XIRP2: variants seen among roughly 807,000 people sequenced by gnomAD.
The protein encoded by XIRP2 is xin actin binding repeat containing 2.
A neutral mutation model predicts 277.0 loss-of-function variants in XIRP2; 236 were observed. The ratio of observed to expected loss-of-function variants is 0.85; its 90% CI spans 0.77 to 0.95. The LOEUF is 0.95. Ranked by LOEUF, XIRP2 falls within the 40% of genes least tolerant of loss-of-function variation. The pLI is 0.00. For missense variants in XIRP2, 4,640 were observed against 4,157.5 expected (o/e 1.12, Z -3.19); for synonymous variants, 1,490 against 1,416.5 (o/e 1.05, Z -1.17).
intron 2 of XIRP2, among the ~76,000 whole-genome samples, chr2:167,016,311 C>A (rs1048844532): frequency 4.0e-5 from 6 of 151,884 alleles, no homozygotes; most frequent in African/African-American, 1.4e-4. Flanking sequence ...AAAGACTATT[C>A]TCTGTCCTAA....
intron 3 of XIRP2, among the ~76,000 whole-genome samples, chr2:167,174,535 A>G (rs1289666984): frequency 2.6e-5 from 4 of 151,858 alleles, no homozygotes; most frequent in African/African-American, 4.8e-5. Context: ...CTAGCAATCT[A>G]TCTATTTTGT....
chr2:167,091,631 C>CT (rs1010334366), intron 2 of XIRP2, among the ~76,000 whole-genome samples: 49 of 152,172 alleles, frequency 3.2e-4, no homozygotes, highest in African/African-American at 9.2e-4. Flanking sequence ...TCTGAAAACT[C>CT]TAAGTTTTTT....
chr2:167,004,005 G>A (rs1292010390), intron 2 of XIRP2, among the ~76,000 whole-genome samples: 1 of 151,802 alleles, frequency 6.6e-6, no homozygotes, highest in Non-Finnish European at 1.5e-5. Flanking sequence ...TCTGGTTAAT[G>A]CAGGAAATAA....
intron 2 of XIRP2, among the ~76,000 whole-genome samples, chr2:166,925,787 A>G (rs1490984723): frequency 2.0e-5 from 3 of 151,448 alleles, no homozygotes; most frequent in Admixed American, 1.3e-4. Context: ...TTTTTGGCAG[A>G]GTGTGGTGGC....
chr2:166,949,669 A>G (rs1180386552), intron 2 of XIRP2, among the ~76,000 whole-genome samples: 1 of 152,072 alleles, frequency 6.6e-6, no homozygotes, highest in African/African-American at 2.4e-5. Context: ...CAGACAATCT[A>G]TCACCAACTG....
intron 2 of XIRP2, among the ~76,000 whole-genome samples, chr2:167,085,918 A>ACTCC (rs1243245917): frequency 1.2e-4 from 18 of 152,128 alleles, no homozygotes; most frequent in Non-Finnish European, 2.4e-4. Flanking sequence ...TGTGTCTTTT[A>ACTCC]ATTGGAACAT....
chr2:167,175,630 G>C (rs924932217), intron 3 of XIRP2, among the ~76,000 whole-genome samples: 1 of 152,166 alleles, frequency 6.6e-6, no homozygotes, highest in Non-Finnish European at 1.5e-5. Context: ...AACCACTTGA[G>C]GAGGCAGTCA....
chr2:166,905,542 T>A (rs1481742267), intron 2 of XIRP2, among the ~76,000 whole-genome samples: 2 of 151,932 alleles, frequency 1.3e-5, no homozygotes, highest in African/African-American at 4.8e-5. Context: ...AAACCACCAT[T>A]TGCCTTGTAA....
At chr2:167,228,513 C>T (rs1456514661) in intron 5 of XIRP2, among the ~76,000 whole-genome samples, 1 of 152,082 alleles carries the variant, frequency 6.6e-6, no homozygotes, top group Non-Finnish European at 1.5e-5. Context: ...GGAAATGGTG[C>T]AGTCTGTACA....
At chr2:167,214,289 GAGGGAGGGAGGA>G (rs1394115369) in intron 4 of XIRP2, among the ~76,000 whole-genome samples, 3 of 95,834 alleles carry the variant, frequency 3.1e-5, no homozygotes, top group South Asian at 4.6e-4. Context: ...GGGAGGGAGG[GAGGGAGGGAGGA>G]AGGAAGGAAG....
chr2:166,973,190 A>G (rs1240681360), intron 2 of XIRP2, among the ~76,000 whole-genome samples: 1 of 152,224 alleles, frequency 6.6e-6, no homozygotes, highest in African/African-American at 2.4e-5. Context: ...AATGGATTTA[A>G]TGAAAAATAT....
intron 2 of XIRP2, among the ~76,000 whole-genome samples, chr2:167,010,044 T>G (rs1248099389): frequency 6.6e-6 from 1 of 152,132 alleles, no homozygotes; most frequent in Non-Finnish European, 1.5e-5. Context: ...TAGTTTCTTT[T>G]GCTGTGCAGA....
chr2:167,059,834 A>C (rs1370989293), intron 2 of XIRP2, among the ~76,000 whole-genome samples: 1 of 152,190 alleles, frequency 6.6e-6, no homozygotes, highest in Non-Finnish European at 1.5e-5. Context: ...GGTCAATGCG[A>C]CATCAGCAAG....
intron 5 of XIRP2, among the ~76,000 whole-genome samples, chr2:167,230,833 C>T (rs2105416749): frequency 6.6e-6 from 1 of 152,136 alleles, no homozygotes; most frequent in South Asian, 2.1e-4. Flanking sequence ...TTCAGTGCTC[C>T]CTCAGCCTCT....
intron 5 of XIRP2, among the ~76,000 whole-genome samples, chr2:167,222,705 A>G (rs1040538717): frequency 6.6e-6 from 1 of 152,198 alleles, no homozygotes; most frequent in Non-Finnish European, 1.5e-5. Flanking sequence ...TAAATAATCC[A>G]TCTACTCAAC....
At chr2:166,957,091 T>TA (rs1686181685) in intron 2 of XIRP2, among the ~76,000 whole-genome samples, 1 of 151,808 alleles carries the variant, frequency 6.6e-6, no homozygotes, top group Admixed American at 6.6e-5. Flanking sequence ...AGGTAGTTGT[T>TA]ATTGATAGAA....
chr2:167,246,594 A>C lies in XIRP2; in HGVS notation c.5202A>C (p.Lys1734Asn). ...TSNNKISERA[K>N]IDASERGNVQ... Reference sequence around the variant, plus strand: ...ACAATAAAATATCTGAAAGGGCTAAAATTGATGCCTCTGAGAGAGGAAATG... The same window carrying C: ...ACAATAAAATATCTGAAAGGGCTAACATTGATGCCTCTGAGAGAGGAAATG... Residue 1734 changes from lysine (K) to asparagine (N), a missense_variant, in exon 9 of 11, where the codon AAA (lysine) becomes AAC (asparagine). Lys to Asn is a moderately conservative substitution (Grantham distance 94, BLOSUM62 0). Transcript: ENST00000409195. The C allele has an allele frequency of 6.2e-7, 1 of 1,613,812 alleles. No individual in the cohort carries two copies. The highest frequency in any genetic ancestry group is 8.5e-7 in the Non-Finnish European group (1 of 1,179,846).
At position 167,030,182 on chromosome 2, in the gene XIRP2, T is replaced by G. The variant is rs1233580482; in HGVS notation, c.409-105727T>G. Among the ~76,000 whole-genome samples the G allele has an allele frequency of 2.0e-5, 3 of 152,266 alleles. No homozygotes were observed. In the East Asian group the frequency reaches 5.8e-4, roughly 29 times the overall value. On this transcript the variant is annotated intron_variant, in intron 2 of 10. Coordinates refer to ENST00000409195, the MANE Select transcript of XIRP2 (RefSeq NM_152381.6). Reference sequence around the variant, plus strand: ...AAACAAGCTGCTGGATTCATTGATTTTTTTGAAGGATTTTTCATGTCTCTA... The same window carrying G: ...AAACAAGCTGCTGGATTCATTGATTGTTTTGAAGGATTTTTCATGTCTCTA...
At position 167,259,093 on chromosome 2, in the gene XIRP2, A is replaced by C. The variant is rs1287624357; in HGVS notation, c.*1276A>C. The C allele has an allele frequency of 1.2e-6, 2 of 1,611,682 alleles. No homozygotes were observed. The highest frequency in any genetic ancestry group is 8.5e-7 in the Non-Finnish European group (1 of 1,178,344). ...TGAAAATCACTGCATTTTCCAAGAAAAATGAGAACATTTTCAATTGTGATT... is the reference window on the plus strand; with the variant it reads ...TGAAAATCACTGCATTTTCCAAGAACAATGAGAACATTTTCAATTGTGATT... On this transcript the variant is annotated 3_prime_UTR_variant, in exon 11 of 11. Coordinates refer to ENST00000409195, the MANE Select transcript of XIRP2 (RefSeq NM_152381.6).
Sources: allele counts gnomAD v4.1 joint callset (sites outside exome capture counted in the v4.1 genomes callset), GRCh38; gene constraint gnomAD v4.1.1; transcripts MANE v1.5; gene names NCBI Gene and HGNC (gene_info 2026-07-23, HGNC 2026-07-21).